Variants in ATF3 observed in about 807,000 individuals in gnomAD.
ATF3 encodes the protein activating transcription factor 3, also known as cyclic AMP-dependent transcription factor ATF-3.
ATF3 carries 10 observed loss-of-function variants against 18.4 expected under a neutral mutation model. That is an observed-to-expected ratio of 0.54 (90% CI 0.34 to 0.92). The LOEUF (loss-of-function observed/expected upper bound fraction) is 0.92. Ranked by LOEUF, ATF3 falls within the 40% of genes least tolerant of loss-of-function variation. The pLI, the probability that ATF3 is intolerant of heterozygous loss-of-function variation, is 0.02. For missense variants in ATF3, 183 were observed against 222.3 expected (o/e 0.82, Z 1.12); for synonymous variants, 78 against 87.9 (o/e 0.89, Z 0.63).
chr1:212,594,295 G>T (rs924541794), intron 1 of ATF3, among the ~76,000 whole-genome samples: 4 of 152,084 alleles, frequency 2.6e-5, no homozygotes, highest in African/African-American at 9.7e-5. Context: ...GCAAGGACTA[G>T]AATATGTTTT....
intron 1 of ATF3, among the ~76,000 whole-genome samples, chr1:212,576,996 A>G (rs573917293): frequency 8.6e-5 from 13 of 151,872 alleles, no homozygotes; most frequent in South Asian, 2.1e-4. Flanking sequence ...CTCCCAAAGT[A>G]CCGGGATTAC....
intron 1 of ATF3, among the ~76,000 whole-genome samples, chr1:212,580,907 T>C (rs1178342595): frequency 6.6e-6 from 1 of 152,154 alleles, no homozygotes; most frequent in Non-Finnish European, 1.5e-5. Context: ...TAGCTGGGAT[T>C]ACAGGTGCCC....
chr1:212,577,913 C>T (rs1664612766), intron 1 of ATF3, among the ~76,000 whole-genome samples: 1 of 152,176 alleles, frequency 6.6e-6, no homozygotes, highest in Non-Finnish European at 1.5e-5. Flanking sequence ...CTTTGACATA[C>T]TGTTTTCATT....
At chr1:212,566,522 A>G (rs1240416390) in intron 1 of ATF3, among the ~76,000 whole-genome samples, 1 of 152,136 alleles carries the variant, frequency 6.6e-6, no homozygotes, top group Non-Finnish European at 1.5e-5. Context: ...CAGGTGGGGT[A>G]AGGCAGGCTG....
At chr1:212,596,985 G>T (rs1475450500) in intron 1 of ATF3, among the ~76,000 whole-genome samples, 1 of 152,224 alleles carries the variant, frequency 6.6e-6, no homozygotes, top group Non-Finnish European at 1.5e-5. Context: ...CATACAGTAG[G>T]CACTCAATAC....
intron 1 of ATF3, among the ~76,000 whole-genome samples, chr1:212,593,892 A>AAT (rs1022679146): frequency 6.6e-6 from 1 of 152,166 alleles, no homozygotes. Flanking sequence ...AAACTCCCCA[A>AAT]AGTCCCTGTT....
intron 1 of ATF3, among the ~76,000 whole-genome samples, chr1:212,586,583 A>G (rs373653004): frequency 6.6e-6 from 1 of 152,300 alleles, no homozygotes; most frequent in South Asian, 2.1e-4. Flanking sequence ...ATAACTTTGG[A>G]GAAAGTGCCA....
Position 212,616,540 on chromosome 1 carries a change from C to T in ATF3, c.240+1279C>T, listed in dbSNP as rs7513027. 3.6e-3 allele frequency among the ~76,000 whole-genome samples: 552 copies of T among 152,202 alleles called. 1 individual carries two copies. The highest frequency in any genetic ancestry group is 0.011 in the African/African-American group (453 of 41,520). On this transcript the variant is annotated intron_variant, in intron 2 of 3. Coordinates refer to ENST00000341491, the MANE Select transcript of ATF3 (RefSeq NM_001674.4). ...CTCGAACTCCTGACCTCAGGTAATCCGCCCGCCTCGGCCTCCCAAAGTGCT... is the reference window on the plus strand; with the variant it reads ...CTCGAACTCCTGACCTCAGGTAATCTGCCCGCCTCGGCCTCCCAAAGTGCT...
At chr1:212,571,714 C>CTT (rs36034401) in intron 1 of ATF3, among the ~76,000 whole-genome samples, 9 of 126,852 alleles carry the variant, frequency 7.1e-5, no homozygotes, top group African/African-American at 1.5e-4. Context: ...CCAGCCAATA[C>CTT]TTTTTTTTTT....
chr1:212,571,955 G>C (rs933988635), intron 1 of ATF3, among the ~76,000 whole-genome samples: 54 of 135,820 alleles, frequency 4.0e-4, no homozygotes, highest in African/African-American at 1.3e-3. Context: ...CTCGTGATCC[G>C]CCCGGCTCGG....
intron 1 of ATF3, among the ~76,000 whole-genome samples, chr1:212,569,764 A>G (rs957923483): frequency 3.4e-4 from 52 of 152,266 alleles, no homozygotes; most frequent in African/African-American, 6.3e-4. Context: ...TCTATGTTAA[A>G]CATTTGGGTA....
At chr1:212,608,725 G>C (rs1206067452), upstream of ATF3, 1 of 152,358 alleles carries the variant, frequency 6.6e-6, no homozygotes, top group Non-Finnish European at 1.5e-5. Context: ...GCCAGCCTGA[G>C]GGCTATAAAA....
In ATF3 at chr1:212,618,462, T is replaced by C; in HGVS notation, c.348+228T>C. ...AAAACAGGTGTGTGAATTCGTCTGA[T>C]GCCTGACTCCCAGCAGCCTCGGCCG... On this transcript the variant is annotated intron_variant, in intron 3 of 3. Coordinates refer to ENST00000341491, the MANE Select transcript of ATF3 (RefSeq NM_001674.4). The surrounding 1 kb of genome is among the most constrained non-coding windows in gnomAD (Gnocchi z 4.4). 1 of 557,280 alleles carries C rather than the reference T, an allele frequency of 1.8e-6. No individual in the cohort carries two copies. The highest frequency in any genetic ancestry group is 3.2e-6 in the Non-Finnish European group (1 of 309,138). The allele number at this position is 557,280 out of a possible 1,614,324, so 34.5% of individuals were successfully genotyped here.
In ATF3 at chr1:212,618,922, G is replaced by T; in HGVS notation, c.349-436G>T. On this transcript the variant is annotated intron_variant, in intron 3 of 3. Coordinates refer to ENST00000341491, the MANE Select transcript of ATF3 (RefSeq NM_001674.4). This position sits in a 1 kb window ranked among gnomAD's most constrained non-coding sequence, Gnocchi z 4.4. ...CAAAAGTTCTGTTGATTGCTTCAGGGGATCAGTGAAAATTAGGGAATTTTG... is the reference window on the plus strand; with the variant it reads ...CAAAAGTTCTGTTGATTGCTTCAGGTGATCAGTGAAAATTAGGGAATTTTG... 7.9e-7 allele frequency: 1 copy of T among 1,259,968 alleles called. No individual in the cohort carries two copies. The highest frequency in any genetic ancestry group is 1.1e-6 in the Non-Finnish European group (1 of 881,494). The allele number at this position is 1,259,968 out of a possible 1,614,324, so 78.0% of individuals were successfully genotyped here. A position where few individuals can be genotyped will look rare whatever the true frequency, so the allele number is the denominator to read the frequency against.
At chr1:212,600,606 C>G (rs1654454255) in intron 1 of ATF3, among the ~76,000 whole-genome samples, 1 of 152,240 alleles carries the variant, frequency 6.6e-6, no homozygotes, top group South Asian at 2.1e-4. Context: ...GAATGCCTGT[C>G]CACTTCCCTT....
In ATF3 at chr1:212,572,531, A is replaced by C. The variant is rs566290567; in HGVS notation, c.-5+7048A>C. Among the ~76,000 whole-genome samples the C allele has an allele frequency of 7.0e-4, 106 of 152,346 alleles. No individual in the cohort carries two copies. In the Middle Eastern group the frequency reaches 0.01, roughly 15 times the overall value. ...TGAAATTCAGTCTCAAAAACCAAAC[A>C]AAACAAAAAACATTTTATTTGCTGT... On this transcript the variant is annotated intron_variant, in intron 1 of 3. Coordinates refer to the ATF3 transcript ENST00000366981.
intron 1 of ATF3, among the ~76,000 whole-genome samples, chr1:212,568,828 C>T (rs1295297360): frequency 6.6e-6 from 1 of 152,186 alleles, no homozygotes; most frequent in African/African-American, 2.4e-5. Flanking sequence ...ATAATTTCAC[C>T]TCCCCAACTC....
At position 212,618,963 on chromosome 1, in the gene ATF3, A is replaced by G; in HGVS notation, c.349-395A>G. On this transcript the variant is annotated intron_variant, in intron 3 of 3. Transcript: ENST00000341491. This position sits in a 1 kb window ranked among gnomAD's most constrained non-coding sequence, Gnocchi z 4.4. Reference sequence around the variant, plus strand: ...GGGAATTTTGTGTGTTGCTATATACATTTTTTCTGGGGAGATGAGCTTCTC... The same window carrying G: ...GGGAATTTTGTGTGTTGCTATATACGTTTTTTCTGGGGAGATGAGCTTCTC... The G allele has an allele frequency of 1.3e-6, 2 of 1,570,044 alleles. No homozygotes were observed. The highest frequency in any genetic ancestry group is 2.2e-5 in the South Asian group (2 of 89,970).
rs78783451 is a variant in ATF3 at position 212,590,710 on chromosome 1, T to C, written c.-4-24308T>C. 1.0e-2 allele frequency among the ~76,000 whole-genome samples: 1,520 copies of C among 152,338 alleles called. 26 individuals carry two copies. Among genetic ancestry groups the C allele is most frequent in the African/African-American group, 0.032 (1,342 of 41,580 alleles). On this transcript the variant is annotated intron_variant, in intron 1 of 3. Transcript: ENST00000366981. ...ATACTCATTTTGCAACGGCCATCTG[T>C]ATTATTGTGCCATCAGAAATTGCAC... is the stretch of plus-strand genomic sequence containing the variant.
Sources: gnomAD v4.1 joint callset for allele counts (sites outside exome capture counted in the v4.1 genomes callset) on GRCh38, gnomAD v4.1.1 for gene constraint, Gnocchi (gnomAD v3.1) non-coding constraint, MANE v1.5 for transcripts, NCBI Gene and HGNC (gene_info 2026-07-23, HGNC 2026-07-21) for gene names.